Variants in POM121C observed in about 807,000 individuals in gnomAD.
The protein encoded by POM121C is POM121 transmembrane nucleoporin C, also known as nuclear envelope pore membrane protein POM 121C.
In POM121C, 20 loss-of-function variants were observed where a neutral mutation model predicts 66.4. The ratio of observed to expected loss-of-function variants is 0.30; its 90% confidence interval spans 0.21 to 0.44. POM121C has a LOEUF of 0.44. POM121C is among the 20% of genes least tolerant of loss of function. The probability of loss-of-function intolerance (pLI) is 1.00; values close to 1 mark genes in which losing one functional copy is unlikely to be tolerated. For synonymous variants in POM121C, 286 were observed against 528.0 expected (o/e 0.54, Z 6.28); for missense variants, 580 against 1,225.7 (o/e 0.47, Z 7.87).
At position 75,486,187 on chromosome 7, in the gene POM121C, T is replaced by C. The variant is rs587745464; in HGVS notation, c.-781A>G. ...CAGCTCCCGCCCGCCTAGGTGCTGG[T>C]CCGGGCGGTCAGCATCCAGCCCCGC... On this transcript the variant is annotated 5_prime_UTR_variant, in exon 1 of 15. Transcript: ENST00000615331. 2,804 of 303,560 alleles carry C rather than the reference T, an allele frequency of 9.2e-3. 12 individuals carry two copies. The highest frequency in any genetic ancestry group is 0.023 in the Middle Eastern group (19 of 842). 18.8% of individuals were successfully genotyped at this position (303,560 alleles called of 1,614,324 possible).
At position 75,417,035 on chromosome 7, in the gene POM121C, A is replaced by G. The variant is rs1391148833; in HGVS notation, c.*1761T>C. On this transcript the variant is annotated 3_prime_UTR_variant, in exon 15 of 15. Transcript: ENST00000615331. ...TCAGGTACTGACACTAGGAGGGTCTACCTTACATAAGGTACAGGTAGAAGC... is the reference window on the plus strand; with the variant it reads ...TCAGGTACTGACACTAGGAGGGTCTGCCTTACATAAGGTACAGGTAGAAGC... 1.9e-5 allele frequency: 22 copies of G among 1,187,780 alleles called. No homozygotes were observed. Among genetic ancestry groups the G allele is most frequent in the South Asian group, 2.3e-5 (1 of 44,272 alleles). The allele number at this position is 1,187,780 out of a possible 1,614,324, so 73.6% of individuals were successfully genotyped here. A position where few individuals can be genotyped will look rare whatever the true frequency, so the allele number is the denominator to read the frequency against.
Position 75,421,949 on chromosome 7 carries a change from C to T in POM121C, c.2303G>A (p.Gly768Asp), listed in dbSNP as rs1789731303. 6.2e-7 allele frequency: 1 copy of T among 1,613,744 alleles called. No homozygotes were observed. The highest frequency in any genetic ancestry group is 1.1e-5 in the South Asian group (1 of 91,078). The change falls in exon 13 of 15, where the codon GGC becomes GAC. Residue 768 changes from glycine (G) to aspartate (D), a missense_variant. Transcript: ENST00000615331. ...TCCAAACGCCGAGTGCGTGGCACCG[C>T]CAAAGGTAGGCTGGATGGGCGTAGG... Reference protein sequence around the residue: ...HVPTPIQPTFGGATHSAFGLK... With the variant: ...HVPTPIQPTFDGATHSAFGLK...
intron 1 of POM121C, among the ~76,000 whole-genome samples, chr7:75,478,118 C>A (rs1369070320): frequency 4.6e-5 from 7 of 152,124 alleles, no homozygotes; most frequent in Non-Finnish European, 8.8e-5. Flanking sequence ...AGGCGTGCAC[C>A]AGCATGCCCG....
chr7:75,473,739 AGT>A (rs1325323342), intron 3 of POM121C, among the ~76,000 whole-genome samples: 2 of 149,956 alleles, frequency 1.3e-5, no homozygotes, highest in African/African-American at 2.5e-5. Flanking sequence ...CCCAGGCTGG[AGT>A]GCAGTGGCGG....
chr7:75,437,970 G>C (rs1169066451), intron 6 of POM121C, among the ~76,000 whole-genome samples: 1 of 152,198 alleles, frequency 6.6e-6, no homozygotes, highest in African/African-American at 2.4e-5. Context: ...GAACTAAAGA[G>C]AGGGATTACA....
chr7:75,442,123 T>G, intron 3 of POM121C: 1 of 1,367,902 alleles, frequency 7.3e-7, no homozygotes, highest in Non-Finnish European at 9.4e-7. Context: ...GAGGATGATC[T>G]GGGAAAATCA....
At chr7:75,428,862 C>T (rs1389175698) in intron 7 of POM121C, among the ~76,000 whole-genome samples, 1 of 151,824 alleles carries the variant, frequency 6.6e-6, no homozygotes, top group Non-Finnish European at 1.5e-5. Flanking sequence ...TGCCTGTAAT[C>T]CCAACACTTT....
chr7:75,438,168 A>C (rs777651901), intron 6 of POM121C, among the ~76,000 whole-genome samples: 28 of 152,236 alleles, frequency 1.8e-4, no homozygotes, highest in Non-Finnish European at 2.9e-4. Flanking sequence ...CCTCCAATGG[A>C]AACAGAAATC....
At chr7:75,460,665 T>G (rs1554476884) in intron 3 of POM121C, among the ~76,000 whole-genome samples, 1 of 152,038 alleles carries the variant, frequency 6.6e-6, no homozygotes, top group Non-Finnish European at 1.5e-5. Context: ...GAGACATACT[T>G]AAACAATGAA....
At chr7:75,473,751 G>C (rs1420312475) in intron 3 of POM121C, among the ~76,000 whole-genome samples, 21 of 151,580 alleles carry the variant, frequency 1.4e-4, no homozygotes, top group Non-Finnish European at 2.4e-4. Flanking sequence ...TGCAGTGGCG[G>C]GATCTCGGCT....
In POM121C at chr7:75,441,315, C is replaced by A. The variant is rs1447639744; in HGVS notation, c.65+117G>T. Reference sequence around the variant, plus strand: ...TTACTAGAATTTGGTATTTCTCATTCAAACAAGCAGATTCGTCCTTTCTTT... The same window carrying A: ...TTACTAGAATTTGGTATTTCTCATTAAAACAAGCAGATTCGTCCTTTCTTT... On this transcript the variant is annotated intron_variant, in intron 4 of 14. Transcript: ENST00000615331. 1.5e-5 allele frequency: 21 copies of A among 1,392,490 alleles called. No homozygotes were observed. The African/African-American group carries it at 2.7e-4, about 18-fold the overall frequency. 86.3% of individuals were successfully genotyped at this position (1,392,490 alleles called of 1,614,324 possible). A position where few individuals can be genotyped will look rare whatever the true frequency, so the allele number is the denominator to read the frequency against.
At chr7:75,479,293 G>A (rs1474417807) in intron 1 of POM121C, among the ~76,000 whole-genome samples, 2 of 152,182 alleles carry the variant, frequency 1.3e-5, no homozygotes, top group Admixed American at 1.3e-4. Context: ...TGGTAACTGT[G>A]TATTTTCTCT....
At chr7:75,427,588 C>T (rs1297524439) in intron 7 of POM121C, among the ~76,000 whole-genome samples, 3 of 151,314 alleles carry the variant, frequency 2.0e-5, no homozygotes, top group African/African-American at 7.3e-5. Context: ...ATGGTGTTTT[C>T]ATCTCTGCTT....
rs180949047 is a variant in POM121C at position 75,437,982 on chromosome 7, G to C, written c.309-296C>G. ...GTGGAACTAAAGAGAGGGATTACAG[G>C]CATGTGGGAACTTTTGGAGGTCATG... On this transcript the variant is annotated intron_variant, in intron 6 of 14. Coordinates refer to ENST00000615331, the MANE Select transcript of POM121C (RefSeq NM_001099415.3). Among the ~76,000 whole-genome samples, 418 of 152,296 alleles carry C rather than the reference G, an allele frequency of 2.7e-3. 1 individual carries two copies. Among genetic ancestry groups the C allele is most frequent in the African/African-American group, 9.2e-3 (384 of 41,566 alleles).
intron 3 of POM121C, among the ~76,000 whole-genome samples, chr7:75,468,126 T>TAAAAAA (rs368723160): frequency 4.2e-4 from 27 of 64,342 alleles, no homozygotes; most frequent in Non-Finnish European, 7.3e-4. Context: ...AGACTCTGTC[T>TAAAAAA]AAAAAAAAAA....
chr7:75,462,037 G>T (rs1791461256), intron 3 of POM121C, among the ~76,000 whole-genome samples: 1 of 141,236 alleles, frequency 7.1e-6, no homozygotes, highest in Non-Finnish European at 1.5e-5. Flanking sequence ...GAGAACTGTA[G>T]AAAAATAATC....
At chr7:75,428,159 G>C (rs1225960512) in intron 7 of POM121C, among the ~76,000 whole-genome samples, 1 of 138,384 alleles carries the variant, frequency 7.2e-6, no homozygotes, top group Admixed American at 7.2e-5. Context: ...TTTTTTTTTT[G>C]AGACGGAGCC....
intron 3 of POM121C, among the ~76,000 whole-genome samples, chr7:75,473,686 G>GTTTTTT (rs1197206972): frequency 6.8e-6 from 1 of 147,630 alleles, no homozygotes. Flanking sequence ...TTGTTTGTTT[G>GTTTTTT]TTTGTTTTTT....
chr7:75,472,551 A>G (rs1263537588), intron 3 of POM121C, among the ~76,000 whole-genome samples: 1 of 151,980 alleles, frequency 6.6e-6, no homozygotes, highest in Non-Finnish European at 1.5e-5. Context: ...TCAGGCCTGT[A>G]ATCCTAGCAC....
Sources: gnomAD v4.1 joint callset for allele counts (sites outside exome capture counted in the v4.1 genomes callset) on GRCh38, gnomAD v4.1.1 for gene constraint, MANE v1.5 for transcripts, NCBI Gene and HGNC (gene_info 2026-07-23, HGNC 2026-07-21) for gene names.